FAM227A: variants seen among roughly 807,000 people sequenced by gnomAD.
FAM227A encodes family with sequence similarity 227 member A, also known as protein FAM227A.
FAM227A carries 80 observed loss-of-function variants against 74.7 expected under a neutral mutation model. The observed-to-expected ratio is 1.07, with a 90% CI of 0.89 to 1.29. The LOEUF is 1.29. Among genes scored for constraint, FAM227A ranks in the 50% most tolerant of loss-of-function variants. The pLI is 0.00. For synonymous variants in FAM227A, 237 were observed against 241.8 expected (o/e 0.98, Z 0.19); for missense variants, 654 against 683.4 (o/e 0.96, Z 0.48).
rs1174493789 is a variant in FAM227A at position 38,579,067 on chromosome 22, C to T, written c.*7058G>A. The stretch of plus-strand genomic sequence containing the variant: ...TTGCCTGAGGCTCACAGTCTGGCTC[C>T]AGTGACCATGCTCTTAACTGACATG... On this transcript the variant is annotated 3_prime_UTR_variant, in exon 17 of 17. Coordinates refer to ENST00000535113, the MANE Select transcript of FAM227A (RefSeq NM_001013647.2). 6.6e-6 allele frequency: 1 copy of T among 152,204 alleles called. No homozygotes were observed. The highest frequency in any genetic ancestry group is 6.5e-5 in the Admixed American group (1 of 15,274). 9.4% of individuals were successfully genotyped at this position (152,204 alleles called of 1,614,324 possible).
At chr22:38,623,062 G>T (rs1262167125) in intron 10 of FAM227A, 110 bp downstream of exon 10, 1 of 738,082 alleles carries the variant, frequency 1.4e-6, no homozygotes, top group Non-Finnish European at 2.3e-6. Context: ...GGGTACCCGA[G>T]AGAGAACTTG....
chr22:38,580,367 ACCATTTG>A lies in FAM227A; in HGVS notation c.*5751_*5757del, dbSNP rs2090696525. On this transcript the variant is annotated 3_prime_UTR_variant, in exon 17 of 17. Coordinates refer to ENST00000535113, the MANE Select transcript of FAM227A (RefSeq NM_001013647.2). ...TGATTGCATCCCCTAGGTGTCATTT[ACCATTTG>A]CCATGATGTCCCCATCCTCTGTATT... 6.6e-6 allele frequency: 1 copy of A among 152,138 alleles called. No homozygotes were observed. The highest frequency in any genetic ancestry group is 6.5e-5 in the Admixed American group (1 of 15,268). The allele number at this position is 152,138 out of a possible 1,614,324, so 9.4% of individuals were successfully genotyped here. A position where few individuals can be genotyped will look rare whatever the true frequency, so the allele number is the denominator to read the frequency against.
Position 38,646,423 on chromosome 22 carries a change from C to T in FAM227A, c.143-778G>A, listed in dbSNP as rs991112129. Among the ~76,000 whole-genome samples, 5 of 131,462 alleles carry T rather than the reference C, an allele frequency of 3.8e-5. No homozygotes were observed. The East Asian group carries it at 1.2e-3, about 31-fold the overall frequency. 86.2% of individuals were successfully genotyped at this position (131,462 alleles called of 152,430 possible). On this transcript the variant is annotated intron_variant, in intron 2 of 16. Transcript: ENST00000535113. ...TACAGGCGCCCGCCACTACGCCCGGCTAATTTTTTTTTGTATTTTTAGTAG... is the reference window on the plus strand; with the variant it reads ...TACAGGCGCCCGCCACTACGCCCGGTTAATTTTTTTTTGTATTTTTAGTAG...
chr22:38,605,973 T>C (rs1195752736), intron 12 of FAM227A, among the ~76,000 whole-genome samples: 1 of 152,214 alleles, frequency 6.6e-6, no homozygotes, highest in African/African-American at 2.4e-5. Context: ...CTGTGTTTTC[T>C]TATATTCCGT....
At chr22:38,588,140 C>T (rs1019290858) in intron 16 of FAM227A, among the ~76,000 whole-genome samples, 6 of 152,264 alleles carry the variant, frequency 3.9e-5, no homozygotes, top group African/African-American at 4.8e-5. Flanking sequence ...TCCCTAGGAC[C>T]AGGGACAGGA....
At chr22:38,613,126 T>TTA (rs1311839062) in intron 11 of FAM227A, among the ~76,000 whole-genome samples, 1 of 92,856 alleles carries the variant, frequency 1.1e-5, no homozygotes, top group African/African-American at 4.7e-5. Flanking sequence ...TTATATATAA[T>TTA]TATATATATA....
intron 11 of FAM227A, among the ~76,000 whole-genome samples, chr22:38,619,167 G>C (rs2091635583): frequency 6.6e-6 from 1 of 152,068 alleles, no homozygotes; most frequent in South Asian, 2.1e-4. Context: ...AATAAAAGAA[G>C]TCCCCTGAGG....
chr22:38,592,961 C>T (rs2090969350), intron 15 of FAM227A, among the ~76,000 whole-genome samples: 1 of 152,216 alleles, frequency 6.6e-6, no homozygotes. Context: ...CATTTTTATT[C>T]CATGGCTAAA....
At chr22:38,649,148 A>G (rs991471146) in intron 2 of FAM227A, among the ~76,000 whole-genome samples, 2 of 152,228 alleles carry the variant, frequency 1.3e-5, no homozygotes, top group African/African-American at 4.8e-5. Context: ...TTCTTTCCAC[A>G]AATACTTCCA....
intron 11 of FAM227A, among the ~76,000 whole-genome samples, chr22:38,613,424 T>TATATAATATATAATATATA (rs71197123): frequency 1.8e-5 from 2 of 113,528 alleles, no homozygotes; most frequent in African/African-American, 3.5e-5. Flanking sequence ...ATATATATAA[T>TATATAATATATAATATATA]TTGTTTGTTT....
At chr22:38,643,486 T>C (rs1400160761) in intron 3 of FAM227A, among the ~76,000 whole-genome samples, 1 of 152,078 alleles carries the variant, frequency 6.6e-6, no homozygotes, top group Non-Finnish European at 1.5e-5. Flanking sequence ...GACCAAAATC[T>C]AGAACACTGA....
intron 3 of FAM227A, among the ~76,000 whole-genome samples, chr22:38,644,899 C>T (rs945398655): frequency 1.3e-4 from 19 of 151,346 alleles, no homozygotes; most frequent in Non-Finnish European, 2.5e-4. Context: ...ACCAGCCTGA[C>T]CAACATGGTG....
intron 1 of FAM227A, chr22:38,653,714 C>G (rs2092352747): frequency 6.6e-6 from 1 of 152,192 alleles, no homozygotes; most frequent in African/African-American, 2.4e-5. Context: ...TCCCCCCCAT[C>G]CCAGGTCTGT....
At chr22:38,628,801 G>A in intron 7 of FAM227A, 33 bp downstream of exon 7, 1 of 1,234,820 alleles carries the variant, frequency 8.1e-7, no homozygotes, top group South Asian at 1.3e-5. Flanking sequence ...AATAACTTAA[G>A]CAAGGCAGAG....
chr22:38,634,812 T>C (rs1569228552), intron 6 of FAM227A, among the ~76,000 whole-genome samples: 1 of 152,164 alleles, frequency 6.6e-6, no homozygotes, highest in African/African-American at 2.4e-5. Flanking sequence ...ACTGACTGAC[T>C]GCAGGCCATG....
intron 10 of FAM227A, 71 bp from the exon 11 acceptor site, chr22:38,620,362 G>A (rs2091661720): frequency 3.2e-6 from 4 of 1,231,440 alleles, no homozygotes; most frequent in South Asian, 2.6e-5. Flanking sequence ...CCAGGAGCTT[G>A]AGACAGCCTC....
At chr22:38,589,918 C>G (rs776579348) in intron 16 of FAM227A, among the ~76,000 whole-genome samples, 22 of 151,906 alleles carry the variant, frequency 1.4e-4, no homozygotes, top group Non-Finnish European at 2.5e-4. Context: ...CTGGGCAACA[C>G]AGCAAGATCT....
intron 3 of FAM227A, among the ~76,000 whole-genome samples, chr22:38,644,177 G>A (rs2092179217): frequency 6.6e-6 from 1 of 150,670 alleles, no homozygotes; most frequent in Non-Finnish European, 1.5e-5. Flanking sequence ...AAGATGTGGA[G>A]GAAACTAAAA....
chr22:38,622,925 T>C (rs1007911905), intron 10 of FAM227A, among the ~76,000 whole-genome samples: 2 of 146,372 alleles, frequency 1.4e-5, no homozygotes, highest in Non-Finnish European at 3.0e-5. Context: ...GCACAGTGCA[T>C]GGCACACAGG....
Sources: gnomAD v4.1 joint callset for allele counts (sites outside exome capture counted in the v4.1 genomes callset) on GRCh38, gnomAD v4.1.1 for gene constraint, MANE v1.5 for transcripts, NCBI Gene and HGNC (gene_info 2026-07-23, HGNC 2026-07-21) for gene names.